VPS13B: variants seen among roughly 807,000 people sequenced by gnomAD.
VPS13B encodes intermembrane lipid transfer protein VPS13B.
In VPS13B, 285 loss-of-function variants were observed where a neutral mutation model predicts 426.4. The ratio of observed to expected loss-of-function variants is 0.67; its 90% CI spans 0.61 to 0.74. The LOEUF is 0.74. Among genes scored for constraint, VPS13B ranks in the 30% least tolerant of loss-of-function variants. The pLI is 0.00. For missense variants in VPS13B, 4,537 were observed against 4,782.6 expected (o/e 0.95, Z 1.51); for synonymous variants, 1,676 against 1,676.4 (o/e 1.00, Z 0.01).
intron 14 of VPS13B, among the ~76,000 whole-genome samples, chr8:99,155,138 G>A (rs905203381): frequency 6.6e-6 from 1 of 151,714 alleles, no homozygotes; most frequent in African/African-American, 2.4e-5. Flanking sequence ...GAAGGAAAAG[G>A]ATGGAAAAAA....
At chr8:99,402,115 G>T (rs924791277) in intron 21 of VPS13B, among the ~76,000 whole-genome samples, 10 of 152,108 alleles carry the variant, frequency 6.6e-5, no homozygotes, top group Admixed American at 3.3e-4. Context: ...TTATCCTGTG[G>T]TGCAGATTCA....
intron 17 of VPS13B, chr8:99,241,361 G>A (rs1240697989): frequency 1.3e-5 from 2 of 152,104 alleles, no homozygotes; most frequent in African/African-American, 4.8e-5. Flanking sequence ...GATAAGTAAA[G>A]TTTTGATTTA....
intron 47 of VPS13B, 95 bp downstream of exon 47, chr8:99,818,983 GTA>G: frequency 2.6e-6 from 1 of 384,874 alleles, no homozygotes; most frequent in Non-Finnish European, 5.3e-6. Context: ...GGAGGGGTGG[GTA>G]GGGAGATGGG....
intron 44 of VPS13B, among the ~76,000 whole-genome samples, chr8:99,817,310 A>G (rs908940498): frequency 1.3e-5 from 2 of 151,916 alleles, no homozygotes; most frequent in African/African-American, 4.8e-5. Context: ...AGCATTTCTA[A>G]TTGAGTACTG....
At chr8:99,170,681 G>A (rs1812280738) in intron 16 of VPS13B, among the ~76,000 whole-genome samples, 1 of 151,714 alleles carries the variant, frequency 6.6e-6, no homozygotes, top group Non-Finnish European at 1.5e-5. Context: ...TGCTATATTT[G>A]GAGGTCACAT....
intron 3 of VPS13B, among the ~76,000 whole-genome samples, chr8:99,061,455 C>T (rs1251608868): frequency 6.6e-6 from 1 of 151,796 alleles, no homozygotes; most frequent in African/African-American, 2.4e-5. Flanking sequence ...TCTGACAATT[C>T]CTGACTATTC....
At chr8:99,544,187 A>G (rs1823813069) in intron 30 of VPS13B, among the ~76,000 whole-genome samples, 1 of 152,250 alleles carries the variant, frequency 6.6e-6, no homozygotes, top group African/African-American at 2.4e-5. Flanking sequence ...GCTGGAAACC[A>G]TCATTCTCAG....
intron 33 of VPS13B, among the ~76,000 whole-genome samples, chr8:99,608,627 A>G (rs2133870663): frequency 6.6e-6 from 1 of 152,196 alleles, no homozygotes; most frequent in Admixed American, 6.5e-5. Flanking sequence ...TTTCACACCA[A>G]AAAGAAACCT....
At chr8:99,637,889 T>G (rs965444233) in intron 33 of VPS13B, among the ~76,000 whole-genome samples, 1 of 152,166 alleles carries the variant, frequency 6.6e-6, no homozygotes, top group African/African-American at 2.4e-5. Context: ...CTTGAGTTCT[T>G]GATTGGAGTT....
intron 19 of VPS13B, among the ~76,000 whole-genome samples, chr8:99,299,796 G>A (rs1479471539): frequency 6.6e-6 from 1 of 152,044 alleles, no homozygotes; most frequent in Non-Finnish European, 1.5e-5. Context: ...TGTAATTCCA[G>A]CTACTTGGGA....
intron 35 of VPS13B, among the ~76,000 whole-genome samples, chr8:99,694,862 A>G (rs1390325333): frequency 6.6e-6 from 1 of 152,106 alleles, no homozygotes; most frequent in Non-Finnish European, 1.5e-5. Context: ...AAAAAAACAA[A>G]CAACCCCATC....
chr8:99,828,287 G>A (rs1423872241), intron 51 of VPS13B, among the ~76,000 whole-genome samples: 1 of 150,904 alleles, frequency 6.6e-6, no homozygotes, highest in East Asian at 2.0e-4. Flanking sequence ...AGGATAGTTA[G>A]CTCTACTTAC....
At chr8:99,225,842 T>C (rs928450669) in intron 17 of VPS13B, among the ~76,000 whole-genome samples, 1 of 152,226 alleles carries the variant, frequency 6.6e-6, no homozygotes, top group Non-Finnish European at 1.5e-5. Flanking sequence ...GTTTTCTCAT[T>C]TGTCCTCAAG....
intron 31 of VPS13B, among the ~76,000 whole-genome samples, chr8:99,571,743 A>G (rs530676016): frequency 3.3e-5 from 5 of 152,282 alleles, no homozygotes; most frequent in Non-Finnish European, 7.4e-5. Context: ...AATTTGAGCT[A>G]TTAGGCTATA....
chr8:99,251,339 T>A (rs906702881), intron 17 of VPS13B, among the ~76,000 whole-genome samples: 2 of 152,120 alleles, frequency 1.3e-5, no homozygotes, highest in Admixed American at 6.5e-5. Flanking sequence ...TATTCCTAGT[T>A]CCCTGAAACT....
chr8:99,835,379 T>G, intron 53 of VPS13B, 55 bp downstream of exon 53: 8 of 1,576,658 alleles, frequency 5.1e-6, no homozygotes, highest in Non-Finnish European at 6.9e-6. Flanking sequence ...TTTTCTGGGA[T>G]TTTTTGATTT....
chr8:99,461,531 CTAGA>C (rs1247579779), intron 23 of VPS13B, among the ~76,000 whole-genome samples: 1 of 147,466 alleles, frequency 6.8e-6, no homozygotes, highest in Non-Finnish European at 1.5e-5. Flanking sequence ...CTTATAGTAG[CTAGA>C]TAAATTTTTT....
At chr8:99,711,214 A>G (rs1190292335) in intron 36 of VPS13B, among the ~76,000 whole-genome samples, 1 of 152,206 alleles carries the variant, frequency 6.6e-6, no homozygotes, top group East Asian at 1.9e-4. Context: ...TGGTGTGTGC[A>G]GTATGTGTAG....
intron 17 of VPS13B, among the ~76,000 whole-genome samples, chr8:99,219,205 A>C (rs1488435937): frequency 6.6e-6 from 1 of 152,234 alleles, no homozygotes; most frequent in Non-Finnish European, 1.5e-5. Flanking sequence ...AAGATTCCTC[A>C]AGGGAAATAA....
Sources: gnomAD v4.1 joint callset for allele counts (sites outside exome capture counted in the v4.1 genomes callset) on GRCh38, gnomAD v4.1.1 for gene constraint, MANE v1.5 for transcripts, NCBI Gene and HGNC (gene_info 2026-07-23, HGNC 2026-07-21) for gene names.